Variants in KCNIP4 observed in about 807,000 individuals in gnomAD.
KCNIP4 encodes the protein Kv channel-interacting protein 4.
In KCNIP4, 12 loss-of-function variants were observed where a neutral mutation model predicts 34.0. The ratio of observed to expected loss-of-function variants is 0.35; its 90% CI spans 0.23 to 0.57. The LOEUF (loss-of-function observed/expected upper bound fraction) is 0.57. Among genes scored for constraint, KCNIP4 ranks in the 20% least tolerant of loss-of-function variants. KCNIP4 has a pLI of 0.83. For missense variants in KCNIP4, 238 were observed against 311.7 expected, an observed-to-expected ratio of 0.76 and a Z score of 1.78; for synonymous variants, 124 against 102.2, an observed-to-expected ratio of 1.21 and a Z score of -1.29.
chr4:21,004,007 C>A (rs1174629213), intron 1 of KCNIP4, among the ~76,000 whole-genome samples: 1 of 152,140 alleles, frequency 6.6e-6, no homozygotes, highest in Non-Finnish European at 1.5e-5. Context: ...TTATGAAGGA[C>A]TGAATATGTC....
At chr4:20,734,987 C>A (rs1362153154) in intron 5 of KCNIP4, among the ~76,000 whole-genome samples, 1 of 151,976 alleles carries the variant, frequency 6.6e-6, no homozygotes, top group African/African-American at 2.4e-5. Context: ...CAGTGCGTAC[C>A]CACACAGCTA....
intron 1 of KCNIP4, among the ~76,000 whole-genome samples, chr4:21,719,618 A>G (rs1714639918): frequency 6.6e-6 from 1 of 152,164 alleles, no homozygotes; most frequent in African/African-American, 2.4e-5. Flanking sequence ...GTACTGAACC[A>G]TCACCTCTCA....
chr4:21,183,492 G>T, intron 1 of KCNIP4, among the ~76,000 whole-genome samples: 1 of 135,460 alleles, frequency 7.4e-6, no homozygotes, highest in Non-Finnish European at 1.6e-5. Flanking sequence ...TTGGTTTTTG[G>T]AGACAGAGTC....
Position 20,753,653 on chromosome 4 carries a change from T to C in KCNIP4, c.359-3921A>G, listed in dbSNP as rs558921269. Among the ~76,000 whole-genome samples the C allele has an allele frequency of 2.0e-5, 3 of 152,332 alleles. No individual in the cohort carries two copies. In the East Asian group the frequency reaches 5.8e-4, roughly 29 times the overall value. On this transcript the variant is annotated intron_variant, in intron 4 of 8. Transcript: ENST00000382152. ...ACCTTCATGTATTTGAATATACAAT[T>C]CATGACATCGTTACTATGGTAAGAC...
intron 2 of KCNIP4, among the ~76,000 whole-genome samples, chr4:20,880,877 G>A (rs1156788526): frequency 6.6e-6 from 1 of 152,116 alleles, no homozygotes; most frequent in African/African-American, 2.4e-5. Context: ...ATGATGTTAT[G>A]TTTTGTGAGA....
At chr4:20,761,799 A>G (rs568785676) in intron 3 of KCNIP4, among the ~76,000 whole-genome samples, 2 of 152,336 alleles carry the variant, frequency 1.3e-5, no homozygotes, top group African/African-American at 2.4e-5. Flanking sequence ...GTCAGAGGAA[A>G]CCTTTTCTCT....
intron 1 of KCNIP4, among the ~76,000 whole-genome samples, chr4:21,030,447 G>A (rs79123989): frequency 0.065 from 9,885 of 152,134 alleles, 454 homozygotes; most frequent in East Asian, 0.23. Context: ...GAAATAAAGT[G>A]CACAATAAAT....
At position 21,739,909 on chromosome 4, in the gene KCNIP4, G is replaced by A. The variant is rs150761646; in HGVS notation, c.61+208662C>T. On this transcript the variant is annotated intron_variant, in intron 1 of 8. Transcript: ENST00000382152. ...TTGGTTCACAGGAAAAGCAAAATAT[G>A]GTATCTACAAGGAAGCAGAAATTTC... 8.7e-3 allele frequency among the ~76,000 whole-genome samples: 1,330 copies of A among 152,094 alleles called. 19 individuals carry two copies. Among genetic ancestry groups the A allele is most frequent in the South Asian group, 0.039 (188 of 4,818 alleles).
intron 3 of KCNIP4, among the ~76,000 whole-genome samples, chr4:20,799,066 T>G (rs1713874676): frequency 6.6e-6 from 1 of 152,184 alleles, no homozygotes; most frequent in Non-Finnish European, 1.5e-5. Context: ...AGTTTGCTGC[T>G]ATTGCAACAT....
At chr4:20,979,302 T>C (rs1226729604) in intron 1 of KCNIP4, among the ~76,000 whole-genome samples, 1 of 152,138 alleles carries the variant, frequency 6.6e-6, no homozygotes, top group African/African-American at 2.4e-5. Flanking sequence ...TCCCCAAGTA[T>C]TTTATTGAGG....
chr4:21,839,353 A>T (rs953105504), intron 1 of KCNIP4, among the ~76,000 whole-genome samples: 11 of 152,200 alleles, frequency 7.2e-5, no homozygotes, highest in African/African-American at 2.7e-4. Context: ...TAGAAATCTG[A>T]AGTTAGATGT....
At chr4:21,914,203 G>C (rs914478233) in intron 1 of KCNIP4, among the ~76,000 whole-genome samples, 1 of 152,200 alleles carries the variant, frequency 6.6e-6, no homozygotes, top group Non-Finnish European at 1.5e-5. Context: ...AAGGAAGTCA[G>C]TAGGCAAACA....
At chr4:20,914,523 A>G (rs1728623097) in intron 1 of KCNIP4, among the ~76,000 whole-genome samples, 1 of 152,108 alleles carries the variant, frequency 6.6e-6, no homozygotes, top group Non-Finnish European at 1.5e-5. Flanking sequence ...TGGGAAATAA[A>G]TTTCTGTTGT....
intron 1 of KCNIP4, among the ~76,000 whole-genome samples, chr4:21,740,287 T>C (rs999868749): frequency 6.6e-5 from 10 of 152,120 alleles, no homozygotes; most frequent in African/African-American, 1.7e-4. Context: ...TTGTATTCTA[T>C]AGAAGAAACA....
chr4:21,050,751 C>A (rs1577599759), intron 1 of KCNIP4, among the ~76,000 whole-genome samples: 2 of 152,158 alleles, frequency 1.3e-5, no homozygotes, highest in East Asian at 3.9e-4. Flanking sequence ...TCAGAAATAC[C>A]AAATTTATCT....
At chr4:21,800,935 A>C (rs1311539813) in intron 1 of KCNIP4, among the ~76,000 whole-genome samples, 4 of 152,206 alleles carry the variant, frequency 2.6e-5, no homozygotes, top group African/African-American at 4.8e-5. Flanking sequence ...TCTCATGAGA[A>C]GTCTCTCCTG....
At chr4:21,082,434 C>A (rs1250559200) in intron 1 of KCNIP4, among the ~76,000 whole-genome samples, 1 of 151,816 alleles carries the variant, frequency 6.6e-6, no homozygotes, top group Non-Finnish European at 1.5e-5. Flanking sequence ...ATCACTCAAG[C>A]AGCAACCTCA....
chr4:21,603,337 A>G (rs925163681), intron 1 of KCNIP4, among the ~76,000 whole-genome samples: 2 of 152,110 alleles, frequency 1.3e-5, no homozygotes, highest in Non-Finnish European at 2.9e-5. Context: ...CTTTTTGAGT[A>G]TTTGCAAGAT....
chr4:20,828,130 C>G (rs1258142089), intron 3 of KCNIP4, among the ~76,000 whole-genome samples: 1 of 152,072 alleles, frequency 6.6e-6, no homozygotes, highest in Admixed American at 6.6e-5. Context: ...AAATCTAAAA[C>G]TTTAAAAAGC....
Sources: allele counts gnomAD v4.1 joint callset (sites outside exome capture counted in the v4.1 genomes callset), GRCh38; gene constraint gnomAD v4.1.1; transcripts MANE v1.5; gene names NCBI Gene and HGNC (gene_info 2026-07-23, HGNC 2026-07-21).